Variants in OPRM1 observed in about 807,000 individuals in gnomAD.
OPRM1 encodes opioid receptor mu 1.
A neutral mutation model predicts 31.8 loss-of-function variants in OPRM1; 27 were observed. That is an observed-to-expected ratio of 0.85 (90% CI 0.63 to 1.17). The LOEUF (loss-of-function observed/expected upper bound fraction) is 1.17. Ranked by LOEUF, OPRM1 falls within the 50% of genes most tolerant of loss-of-function variation. The pLI, the probability that OPRM1 is intolerant of heterozygous loss-of-function variation, is 0.00. For synonymous variants in OPRM1, 196 were observed against 189.9 expected (o/e 1.03, Z -0.26); for missense variants, 536 against 511.1 (o/e 1.05, Z -0.47).
At position 154,039,585 on chromosome 6, in the gene OPRM1, C is replaced by G. The variant is rs1457556221; in HGVS notation, c.41C>G (p.Thr14Ser). The G allele has an allele frequency of 6.2e-7, 1 of 1,613,816 alleles. No homozygotes were observed. The highest frequency in any genetic ancestry group is 1.7e-5 in the Admixed American group (1 of 59,984). Reference sequence around the variant, plus strand: ...GCCCCCACGAACGCCAGCAATTGCACTGATGCCTTGGCGTACTCAAGTTGC... The same window carrying G: ...GCCCCCACGAACGCCAGCAATTGCAGTGATGCCTTGGCGTACTCAAGTTGC... ...SAAPTNASNC[T>S]DALAYSSCSP... is the part of the protein sequence containing the mutation. The change falls in exon 1 of 4, where the codon ACT (threonine) becomes AGT (serine). Residue 14 changes from threonine to serine, a missense_variant. Coordinates refer to ENST00000330432, the MANE Select transcript of OPRM1 (RefSeq NM_000914.5).
At chr6:154,092,428 T>C (rs528978275) in intron 3 of OPRM1, among the ~76,000 whole-genome samples, 10 of 152,198 alleles carry the variant, frequency 6.6e-5, no homozygotes, top group African/African-American at 2.2e-4. Context: ...GCCTGTATAA[T>C]TTTTTTAACA....
chr6:154,166,282 GC>G (rs1477648442), intron 3 of OPRM1, among the ~76,000 whole-genome samples: 5 of 152,160 alleles, frequency 3.3e-5, no homozygotes. Flanking sequence ...CACAAAGTTG[GC>G]CCCCCAGTGG....
At chr6:154,043,696 A>C (rs1466946813) in intron 1 of OPRM1, among the ~76,000 whole-genome samples, 1 of 152,086 alleles carries the variant, frequency 6.6e-6, no homozygotes, top group African/African-American at 2.4e-5. Flanking sequence ...AACCCACAAA[A>C]TATCCTAATT....
intron 1 of OPRM1, among the ~76,000 whole-genome samples, chr6:154,084,447 A>G (rs1790006399): frequency 6.6e-6 from 1 of 151,902 alleles, no homozygotes; most frequent in South Asian, 2.1e-4. Context: ...ACTCACAAGT[A>G]AAAACGCACC....
chr6:154,112,332 A>G (rs1796448722), intron 3 of OPRM1, among the ~76,000 whole-genome samples: 1 of 152,206 alleles, frequency 6.6e-6, no homozygotes, highest in Non-Finnish European at 1.5e-5. Context: ...GACTCAGTGG[A>G]CCAGAGAAAA....
At chr6:154,110,336 G>T (rs750188008) in intron 3 of OPRM1, 1 of 1,272,150 alleles carries the variant, frequency 7.9e-7, no homozygotes, top group South Asian at 1.3e-5. Context: ...TTCTGTTTTT[G>T]AATGAAATAT....
intron 3 of OPRM1, among the ~76,000 whole-genome samples, chr6:154,144,422 G>A (rs1798306113): frequency 6.6e-6 from 1 of 152,240 alleles, no homozygotes; most frequent in Admixed American, 6.5e-5. Context: ...CAAAATATTA[G>A]CAAATAAGGT....
chr6:154,099,518 TGAGA>T (rs1794119746), intron 3 of OPRM1, among the ~76,000 whole-genome samples: 1 of 120,624 alleles, frequency 8.3e-6, no homozygotes, highest in African/African-American at 3.3e-5. Flanking sequence ...AAGGAAAGAA[TGAGA>T]GAAAGAGGAA....
At chr6:154,221,940 G>T (rs1778900047) in intron 3 of OPRM1, among the ~76,000 whole-genome samples, 1 of 152,238 alleles carries the variant, frequency 6.6e-6, no homozygotes, top group South Asian at 2.1e-4. Context: ...CTTGCTAACT[G>T]CTTTGCTATA....
intron 1 of OPRM1, among the ~76,000 whole-genome samples, chr6:154,019,228 T>C (rs1166298022): frequency 6.9e-6 from 1 of 144,528 alleles, no homozygotes; most frequent in Non-Finnish European, 1.5e-5. Context: ...TTTTAAAAAA[T>C]CATCTTTATT....
chr6:154,229,582 T>A (rs1779564411), intron 3 of OPRM1, among the ~76,000 whole-genome samples: 1 of 152,024 alleles, frequency 6.6e-6, no homozygotes, highest in Non-Finnish European at 1.5e-5. Flanking sequence ...GGTCTCGATC[T>A]CCTGACCTCA....
At chr6:154,074,000 G>A (rs183274845) in intron 1 of OPRM1, 37 of 152,210 alleles carry the variant, frequency 2.4e-4, no homozygotes, top group African/African-American at 7.7e-4. Flanking sequence ...TCAGAAAAAC[G>A]AATGATAATA....
Position 154,129,852 on chromosome 6 carries a change from G to GCACACACA in OPRM1, c.*11158_*11165dup, listed in dbSNP as rs59576607. Among the ~76,000 whole-genome samples, 202 of 131,564 alleles carry GCACACACA rather than the reference G, an allele frequency of 1.5e-3. No individual in the cohort carries two copies. Among genetic ancestry groups the GCACACACA allele is most frequent in the African/African-American group, 5.1e-3 (183 of 35,874 alleles). The allele number at this position is 131,564 out of a possible 152,430, so 86.3% of individuals were successfully genotyped here. A position where few individuals can be genotyped will look rare whatever the true frequency, so the allele number is the denominator to read the frequency against. ...TTACCACCGACACCCTCCCCCCCCA[G>GCACACACA]CACACACACACACACACACACACAC... On this transcript the variant is annotated 3_prime_UTR_variant, in exon 4 of 4. Transcript: ENST00000330432.
chr6:154,182,220 CTATT>C (rs945447916), intron 3 of OPRM1, among the ~76,000 whole-genome samples: 2 of 152,158 alleles, frequency 1.3e-5, no homozygotes, highest in African/African-American at 4.8e-5. Context: ...TCATTTTCCT[CTATT>C]TGTTTTACCT....
At chr6:154,014,516 C>T (rs1777899145) in intron 1 of OPRM1, among the ~76,000 whole-genome samples, 1 of 151,816 alleles carries the variant, frequency 6.6e-6, no homozygotes, top group Admixed American at 6.6e-5. Context: ...ATACCTGGTA[C>T]CTTAAAGGAA....
Position 154,057,287 on chromosome 6 carries a change from C to G in OPRM1, c.290+17453C>G, listed in dbSNP as rs895450861. Among the ~76,000 whole-genome samples, 5 of 152,282 alleles carry G rather than the reference C, an allele frequency of 3.3e-5. No individual in the cohort carries two copies. The East Asian group carries it at 9.6e-4, about 29-fold the overall frequency. On this transcript the variant is annotated intron_variant, in intron 1 of 3. Coordinates refer to ENST00000330432, the MANE Select transcript of OPRM1 (RefSeq NM_000914.5). ...GCACTCTCTTAGGAGTTTCAGATAT[C>G]AGTGAGCAAAATAGACACAGTCTGA...
intron 1 of OPRM1, among the ~76,000 whole-genome samples, chr6:154,064,567 C>T (rs1785001599): frequency 6.6e-6 from 1 of 152,098 alleles, no homozygotes; most frequent in Non-Finnish European, 1.5e-5. Context: ...TTTGTGAAAT[C>T]TAATGTTGTG....
intron 3 of OPRM1, among the ~76,000 whole-genome samples, chr6:154,152,902 AT>A (rs34724351): frequency 0.12 from 17,420 of 143,772 alleles, 1,323 homozygotes; most frequent in East Asian, 0.43. Context: ...ACACCTAGCT[AT>A]TTTTTTTTTT....
Position 154,085,461 on chromosome 6 carries a change from G to A in OPRM1, c.291-4365G>A, listed in dbSNP as rs9371773. On this transcript the variant is annotated intron_variant, in intron 1 of 3. Coordinates refer to ENST00000330432, the MANE Select transcript of OPRM1 (RefSeq NM_000914.5). ...GAGCTATTTAATCATCTAGACCAAAGTTAAAGAAATACCTACTACAAAAAT... is the reference window on the plus strand; with the variant it reads ...GAGCTATTTAATCATCTAGACCAAAATTAAAGAAATACCTACTACAAAAAT... 2.3e-3 allele frequency among the ~76,000 whole-genome samples: 348 copies of A among 152,246 alleles called. 9 individuals are homozygous for A. In the East Asian group the frequency reaches 0.06, roughly 26 times the overall value.
Sources: allele counts gnomAD v4.1 joint callset (sites outside exome capture counted in the v4.1 genomes callset), GRCh38; gene constraint gnomAD v4.1.1; transcripts MANE v1.5; gene names NCBI Gene and HGNC (gene_info 2026-07-23, HGNC 2026-07-21).